Variants in PRKDC observed in about 807,000 individuals in gnomAD.
PRKDC encodes the protein protein kinase, DNA-activated, catalytic subunit, also known as DNA-dependent protein kinase catalytic subunit.
PRKDC carries 82 observed loss-of-function variants against 486.9 expected under a neutral mutation model. The observed-to-expected ratio is 0.17, with a 90% CI of 0.14 to 0.20. The LOEUF (loss-of-function observed/expected upper bound fraction) is 0.20, where lower values mean the gene tolerates loss of function less well. Among genes scored for constraint, PRKDC ranks in the 10% least tolerant of loss-of-function variants. The probability of loss-of-function intolerance (pLI) is 1.00; values close to 1 mark genes in which losing one functional copy is unlikely to be tolerated. For missense variants in PRKDC, 4,504 were observed against 5,038.2 expected (o/e 0.89, Z 3.21); for synonymous variants, 1,895 against 1,837.0 (o/e 1.03, Z -0.81).
chr8:47,954,466 T>C lies in PRKDC; in HGVS notation c.400-20A>G, dbSNP rs1162281619. The C allele has an allele frequency of 9.8e-7, 1 of 1,022,546 alleles. No homozygotes were observed. The highest frequency in any genetic ancestry group is 1.4e-6 in the Non-Finnish European group (1 of 721,270). The allele number at this position is 1,022,546 out of a possible 1,614,324, so 63.3% of individuals were successfully genotyped here. On this transcript the variant is annotated intron_variant, in intron 4 of 85. Coordinates refer to ENST00000314191, the MANE Select transcript of PRKDC (RefSeq NM_006904.7). The stretch of plus-strand genomic sequence containing the variant: ...AAGTAACTAAAAGAATACAAATTAG[T>C]ACATCAATGTAGTGCGGGAATCAAG...
At chr8:47,867,334 C>T (rs2088841761) in intron 40 of PRKDC, among the ~76,000 whole-genome samples, 1 of 152,088 alleles carries the variant, frequency 6.6e-6, no homozygotes, top group Non-Finnish European at 1.5e-5. Flanking sequence ...AAATATCATA[C>T]ATGTTCAAAA....
intron 40 of PRKDC, among the ~76,000 whole-genome samples, chr8:47,871,846 C>T (rs905229307): frequency 6.6e-5 from 10 of 152,174 alleles, no homozygotes; most frequent in African/African-American, 2.2e-4. Context: ...CAGCCTCGGC[C>T]TCCCAAAGTG....
intron 15 of PRKDC, among the ~76,000 whole-genome samples, chr8:47,933,699 A>G (rs147493382): frequency 4.9e-4 from 75 of 152,318 alleles, no homozygotes; most frequent in African/African-American, 1.7e-3. Flanking sequence ...GAGCTATACC[A>G]TCCTGCTATT....
At chr8:47,955,970 A>C in intron 3 of PRKDC, 22 bp from the exon 4 acceptor site, 1 of 1,504,108 alleles carries the variant, frequency 6.6e-7, no homozygotes, top group African/African-American at 1.4e-5. Context: ...AAAAAAAATA[A>C]CCAAAATCAT....
chr8:47,813,802 G>A (rs140621569), intron 68 of PRKDC, among the ~76,000 whole-genome samples: 5 of 152,266 alleles, frequency 3.3e-5, no homozygotes, highest in African/African-American at 1.2e-4. Context: ...TTGAACTCCT[G>A]ACCTCAGGTG....
At chr8:47,897,383 T>C in intron 29 of PRKDC, 89 bp from the exon 30 acceptor site, 2 of 1,273,536 alleles carry the variant, frequency 1.6e-6, no homozygotes, top group Non-Finnish European at 2.1e-6. Context: ...CTCATCTTTA[T>C]CACACAGATA....
chr8:47,912,962 T>A (rs776896395), intron 24 of PRKDC, among the ~76,000 whole-genome samples: 25 of 152,212 alleles, frequency 1.6e-4, no homozygotes, highest in Non-Finnish European at 1.5e-5. Flanking sequence ...TTGGACACAA[T>A]GTGTTTTTTA....
intron 31 of PRKDC, among the ~76,000 whole-genome samples, chr8:47,892,835 TATTC>T (rs1263981709): frequency 1.3e-5 from 2 of 152,226 alleles, no homozygotes; most frequent in Non-Finnish European, 2.9e-5. Context: ...ACTGCTACAG[TATTC>T]ATTGTTCATG....
chr8:47,940,278 G>A (rs1461042617), intron 10 of PRKDC, among the ~76,000 whole-genome samples: 4 of 152,186 alleles, frequency 2.6e-5, no homozygotes, highest in South Asian at 2.1e-4. Flanking sequence ...GGAAAATGTC[G>A]TCTGAGAAGC....
At chr8:47,849,971 A>G (rs1309460501) in intron 52 of PRKDC, among the ~76,000 whole-genome samples, 3 of 152,232 alleles carry the variant, frequency 2.0e-5, no homozygotes, top group African/African-American at 7.2e-5. Flanking sequence ...AGCAGTCCCC[A>G]TCACTGTACT....
intron 36 of PRKDC, among the ~76,000 whole-genome samples, chr8:47,884,421 C>T (rs2089285679): frequency 6.6e-6 from 1 of 152,244 alleles, no homozygotes; most frequent in Admixed American, 6.5e-5. Context: ...CACACCTGTC[C>T]TTTTGATTTA....
chr8:47,784,775 A>G (rs1484388056), intron 77 of PRKDC, among the ~76,000 whole-genome samples: 4 of 151,930 alleles, frequency 2.6e-5, no homozygotes, highest in African/African-American at 4.8e-5. Flanking sequence ...ATCTGCCTCT[A>G]TACCTGTATA....
In PRKDC at chr8:47,953,836, G is replaced by A. The variant is rs771772013; in HGVS notation, c.592C>T (p.Arg198Cys). The change falls in exon 6 of 86, where the codon CGC (arginine) becomes TGC (cysteine). Residue 198 changes from arginine to cysteine, a missense_variant. This residue lies in a region of PRKDC where 1,969 missense variants were observed against 2,068.9 expected (regional missense o/e 0.95). Transcript: ENST00000314191. ...GTCTTAAGTTCACCCAGAAAAGCGCGGAACAGGTTTTCTGCATTATTTATC... is the reference window on the plus strand; with the variant it reads ...GTCTTAAGTTCACCCAGAAAAGCGCAGAACAGGTTTTCTGCATTATTTATC... ...EMINNAENLFRAFLGELKTQM... is the reference protein window; with the variant it reads ...EMINNAENLFCAFLGELKTQM... The A allele has an allele frequency of 6.1e-5, 96 of 1,571,192 alleles. No homozygotes were observed. Among genetic ancestry groups the A allele is most frequent in the Non-Finnish European group, 7.8e-5 (90 of 1,156,192 alleles).
intron 23 of PRKDC, 88 bp from the exon 24 acceptor site, chr8:47,914,152 CA>C: frequency 8.5e-7 from 1 of 1,172,284 alleles, no homozygotes. Context: ...TTTCTAATGC[CA>C]GCTGTTCTAC....
At chr8:47,925,325 C>T (rs1006610828) in intron 21 of PRKDC, among the ~76,000 whole-genome samples, 20 of 152,216 alleles carry the variant, frequency 1.3e-4, no homozygotes, top group Admixed American at 5.9e-4. Context: ...GAGAACCCAG[C>T]GTCTGTCAAA....
intron 84 of PRKDC, among the ~76,000 whole-genome samples, chr8:47,777,212 ATTTTTT>A (rs536284158): frequency 6.8e-6 from 1 of 146,772 alleles, no homozygotes; most frequent in East Asian, 2.0e-4. Flanking sequence ...TTGCCTGTTA[ATTTTTT>A]TTTTTTTGAG....
chr8:47,959,574 G>A (rs923253476), intron 1 of PRKDC, among the ~76,000 whole-genome samples: 3 of 151,936 alleles, frequency 2.0e-5, no homozygotes, highest in Admixed American at 6.6e-5. Flanking sequence ...AGCTACTCGG[G>A]GGGCTGAGGC....
chr8:47,847,567 C>T (rs2088296560), intron 54 of PRKDC, among the ~76,000 whole-genome samples: 1 of 152,148 alleles, frequency 6.6e-6, no homozygotes. Flanking sequence ...AAATACCCTT[C>T]TCAATATCAG....
chr8:47,931,844 C>T (rs1038593681), intron 16 of PRKDC, among the ~76,000 whole-genome samples: 7 of 152,200 alleles, frequency 4.6e-5, no homozygotes, highest in Non-Finnish European at 5.9e-5. Flanking sequence ...CCAGTTACCA[C>T]CAATGCCTCG....
Sources: allele counts gnomAD v4.1 joint callset (sites outside exome capture counted in the v4.1 genomes callset), GRCh38; gene constraint gnomAD v4.1.1; regional missense constraint gnomAD v4.1.1; transcripts MANE v1.5; gene names NCBI Gene and HGNC (gene_info 2026-07-23, HGNC 2026-07-21).